DUSP16: variants seen among roughly 807,000 people sequenced by gnomAD.
The protein encoded by DUSP16 is dual specificity protein phosphatase 16.
Under a neutral mutation model 58.3 loss-of-function variants are expected in DUSP16, and 21 were observed. That is an observed-to-expected ratio of 0.36 (90% CI 0.26 to 0.52). The LOEUF (loss-of-function observed/expected upper bound fraction) is 0.52. Ranked by LOEUF, DUSP16 falls within the 20% of genes least tolerant of loss-of-function variation. DUSP16 has a pLI of 0.94. For missense variants in DUSP16, 726 were observed against 819.0 expected, an observed-to-expected ratio of 0.89 and a Z score of 1.39; for synonymous variants, 320 against 323.8, an observed-to-expected ratio of 0.99 and a Z score of 0.12.
chr12:12,562,807 G>C lies in DUSP16; in HGVS notation c.-1056C>G, dbSNP rs1056261980. ...AGCCCGGAGCGCGGCTCCGCGCCTC[G>C]TTCCGGCCGCTCGGGGAGGGGTCAG... On this transcript the variant is annotated 5_prime_UTR_variant, in exon 1 of 7. Transcript: ENST00000298573. Among the ~76,000 whole-genome samples, 1 of 151,600 alleles carries C rather than the reference G, an allele frequency of 6.6e-6. No homozygotes were observed. Among genetic ancestry groups the C allele is most frequent in the Admixed American group, 6.6e-5 (1 of 15,214 alleles).
At chr12:12,552,158 A>T (rs1182526472) in intron 1 of DUSP16, among the ~76,000 whole-genome samples, 1 of 152,110 alleles carries the variant, frequency 6.6e-6, no homozygotes, top group Non-Finnish European at 1.5e-5. Flanking sequence ...CTAATATTTA[A>T]GAATCTGGCT....
At position 12,474,011 on chromosome 12, in the gene DUSP16, T is replaced by C. The variant is rs2136178211; in HGVS notation, c.*2822A>G. On this transcript the variant is annotated 3_prime_UTR_variant, in exon 7 of 7. Transcript: ENST00000298573. ...TGCATTTAACGTACACAGTAAAGAA[T>C]GAAGGCTGGCACTAAACTGTTAGCT... Among the ~76,000 whole-genome samples, 1 of 152,368 alleles carries C rather than the reference T, an allele frequency of 6.6e-6. No homozygotes were observed. Among genetic ancestry groups the C allele is most frequent in the East Asian group, 1.9e-4 (1 of 5,192 alleles).
chr12:12,544,715 G>A (rs149392658), intron 1 of DUSP16, among the ~76,000 whole-genome samples: 8 of 152,232 alleles, frequency 5.3e-5, no homozygotes, highest in East Asian at 1.9e-4. Flanking sequence ...TTTTGATGAC[G>A]AATATGGCTG....
chr12:12,490,324 C>T (rs967539067), intron 4 of DUSP16, among the ~76,000 whole-genome samples: 1 of 151,990 alleles, frequency 6.6e-6, no homozygotes, highest in African/African-American at 2.4e-5. Context: ...AATCTACTAT[C>T]CAGATGCTAC....
intron 1 of DUSP16, among the ~76,000 whole-genome samples, chr12:12,548,648 GAAAA>G (rs1268689833): frequency 7.5e-6 from 1 of 132,562 alleles, no homozygotes; most frequent in African/African-American, 2.8e-5. Flanking sequence ...AAAAAAAAAA[GAAAA>G]AGAAAAAGAA....
At chr12:12,486,319 A>G (rs576001387) in intron 5 of DUSP16, among the ~76,000 whole-genome samples, 2 of 152,260 alleles carry the variant, frequency 1.3e-5, no homozygotes, top group South Asian at 2.1e-4. Flanking sequence ...CACATCACCA[A>G]GTTACCACCC....
chr12:12,487,155 C>T lies in DUSP16; in HGVS notation c.564G>A (p.Val188=). 6.2e-7 allele frequency: 1 copy of T among 1,614,094 alleles called. No individual in the cohort carries two copies. Among genetic ancestry groups the T allele is most frequent in the Non-Finnish European group, 8.5e-7 (1 of 1,179,966 alleles). The change falls in exon 5 of 7, where the codon GTG becomes GTA. Residue 188 remains valine (V), a synonymous_variant. Coordinates refer to ENST00000298573, the MANE Select transcript of DUSP16 (RefSeq NM_030640.3). ...ELMQQNGIGY[V]LNASNTCPKP... ...TTGGACAGGTATTGCTGGCATTTAA[C>T]ACATAACCAATCCCATTCTGCTGCA...
intron 5 of DUSP16, among the ~76,000 whole-genome samples, chr12:12,483,499 A>G (rs1203213924): frequency 6.6e-6 from 1 of 152,118 alleles, no homozygotes; most frequent in Non-Finnish European, 1.5e-5. Context: ...TGAAGTGCAC[A>G]GAAGTTTGAA....
rs537803746 is a variant in DUSP16 at position 12,547,908 on chromosome 12, G to A, written c.-366+14209C>T. ...CAATTTTAGAGCTGGAAAAACCTTA[G>A]ATATCACCTAGTCCATCCCTCTGGT... On this transcript the variant is annotated intron_variant, in intron 1 of 6. Transcript: ENST00000298573. Among the ~76,000 whole-genome samples, 408 of 152,248 alleles carry A rather than the reference G, an allele frequency of 2.7e-3. 3 individuals carry two copies. Among genetic ancestry groups the A allele is most frequent in the African/African-American group, 9.2e-3 (382 of 41,540 alleles).
intron 4 of DUSP16, among the ~76,000 whole-genome samples, chr12:12,492,538 C>A (rs1357797677): frequency 6.6e-6 from 1 of 152,148 alleles, no homozygotes; most frequent in African/African-American, 2.4e-5. Context: ...CAATTTTCCA[C>A]TGTACAGGAT....
At chr12:12,494,540 G>A (rs1287939286) in intron 4 of DUSP16, among the ~76,000 whole-genome samples, 1 of 152,170 alleles carries the variant, frequency 6.6e-6, no homozygotes, top group Non-Finnish European at 1.5e-5. Flanking sequence ...GTGGAAAACA[G>A]GAGTAAAACC....
At chr12:12,530,594 C>CAT (rs1014000670) in intron 1 of DUSP16, among the ~76,000 whole-genome samples, 2 of 152,064 alleles carry the variant, frequency 1.3e-5, no homozygotes, top group African/African-American at 2.4e-5. Context: ...TGTGAAAAAA[C>CAT]ATATATATAA....
chr12:12,531,116 T>C (rs922835422), intron 1 of DUSP16, among the ~76,000 whole-genome samples: 4 of 152,202 alleles, frequency 2.6e-5, no homozygotes, highest in Non-Finnish European at 5.9e-5. Context: ...AAGAACTAAT[T>C]GACTAAAGGT....
At chr12:12,554,196 CAAA>C (rs59499569) in intron 1 of DUSP16, among the ~76,000 whole-genome samples, 17 of 66,142 alleles carry the variant, frequency 2.6e-4, no homozygotes, top group East Asian at 2.0e-3. Flanking sequence ...AACTGGGTCT[CAAA>C]AAAAAAAAAA....
rs1217405255 is a variant in DUSP16, at chr12:12,562,609, A to C, written c.-858T>G. ...GGGGAAAGAGAAAGAGTCGCTGGTC[A>C]GGAAACTTCAAGCGCGGATGAGGTC... On this transcript the variant is annotated 5_prime_UTR_variant, in exon 1 of 7. It removes the in-frame stop codon of an upstream open reading frame in the 5' UTR. Coordinates refer to ENST00000298573, the MANE Select transcript of DUSP16 (RefSeq NM_030640.3). Among the ~76,000 whole-genome samples, 13 of 152,118 alleles carry C rather than the reference A, an allele frequency of 8.5e-5. No homozygotes were observed. The highest frequency in any genetic ancestry group is 3.1e-4 in the African/African-American group (13 of 41,556).
intron 1 of DUSP16, among the ~76,000 whole-genome samples, chr12:12,547,154 T>C (rs1383496923): frequency 6.6e-6 from 1 of 152,166 alleles, no homozygotes; most frequent in East Asian, 1.9e-4. Context: ...AACAGGCCAG[T>C]GCAGTGGCTC....
chr12:12,533,293 T>C (rs1944417619), intron 1 of DUSP16, among the ~76,000 whole-genome samples: 1 of 152,254 alleles, frequency 6.6e-6, no homozygotes, highest in African/African-American at 2.4e-5. Context: ...GTGTCACAAA[T>C]GCAACGCAAG....
At chr12:12,530,425 G>C (rs1423978368) in intron 1 of DUSP16, among the ~76,000 whole-genome samples, 1 of 152,166 alleles carries the variant, frequency 6.6e-6, no homozygotes, top group East Asian at 1.9e-4. Context: ...CAGATGTATA[G>C]TTTACAAATA....
intron 3 of DUSP16, among the ~76,000 whole-genome samples, chr12:12,502,521 A>T (rs1183301531): frequency 6.6e-6 from 1 of 151,580 alleles, no homozygotes; most frequent in East Asian, 1.9e-4. Flanking sequence ...GGCCCTCAGG[A>T]TACCTGCACC....
Sources: gnomAD v4.1 joint callset for allele counts (sites outside exome capture counted in the v4.1 genomes callset) on GRCh38, gnomAD v4.1.1 for gene constraint, MANE v1.5 for transcripts, NCBI Gene and HGNC (gene_info 2026-07-23, HGNC 2026-07-21) for gene names.